The following PAX3 variants were observed in gnomAD, a reference collection of about 807,000 sequenced individuals.
PAX3 encodes paired box protein Pax-3.
PAX3 carries 14 observed loss-of-function variants against 51.6 expected under a neutral mutation model. The ratio of observed to expected loss-of-function variants is 0.27; its 90% CI spans 0.18 to 0.42. PAX3 has a LOEUF of 0.42. Among genes scored for constraint, PAX3 ranks in the 10% least tolerant of loss-of-function variants. The pLI is 1.00. For synonymous variants in PAX3, 280 were observed against 253.4 expected (o/e 1.11, Z -1.00); for missense variants, 540 against 642.8 (o/e 0.84, Z 1.73).
At chr2:222,251,981 T>C (rs540170310) in intron 4 of PAX3, among the ~76,000 whole-genome samples, 150 of 152,232 alleles carry the variant, frequency 9.9e-4, no homozygotes, top group African/African-American at 3.3e-3. Context: ...TACCTCCAAA[T>C]CGAAGATGTA....
At chr2:222,232,362 C>T (rs1476839857) in intron 4 of PAX3, 79 bp from the exon 5 acceptor site, 19 of 1,248,202 alleles carry the variant, frequency 1.5e-5, no homozygotes, top group African/African-American at 5.9e-5. Flanking sequence ...GTTCTCTCTC[C>T]GACTGCAAGA....
At chr2:222,287,208 G>A (rs887106802) in intron 4 of PAX3, among the ~76,000 whole-genome samples, 1 of 152,192 alleles carries the variant, frequency 6.6e-6, no homozygotes, top group East Asian at 1.9e-4. Context: ...TCCCAACAGG[G>A]CAGAGGATGG....
chr2:222,290,668 C>A (rs1162349580), intron 4 of PAX3, among the ~76,000 whole-genome samples: 1 of 152,146 alleles, frequency 6.6e-6, no homozygotes, highest in Non-Finnish European at 1.5e-5. Context: ...GTCTTGCAGT[C>A]GCGTGTCCAT....
chr2:222,252,097 T>C (rs1693456324), intron 4 of PAX3, among the ~76,000 whole-genome samples: 1 of 152,200 alleles, frequency 6.6e-6, no homozygotes, highest in Non-Finnish European at 1.5e-5. Context: ...AAGAGTAACA[T>C]TGACACATGA....
chr2:222,253,211 A>G (rs1226414191), intron 4 of PAX3, among the ~76,000 whole-genome samples: 5 of 152,240 alleles, frequency 3.3e-5, no homozygotes, highest in African/African-American at 1.2e-4. Context: ...TATGGCTCCC[A>G]GATTCCCTGT....
At chr2:222,215,996 C>T (rs1206173216) in intron 7 of PAX3, among the ~76,000 whole-genome samples, 1 of 152,150 alleles carries the variant, frequency 6.6e-6, no homozygotes, top group Non-Finnish European at 1.5e-5. Flanking sequence ...CTGTCTCCAC[C>T]CTCTCACGCA....
rs915724538 is a variant in PAX3 at position 222,298,979 on chromosome 2, C to T, written c.-364G>A. 24 of 414,800 alleles carry T rather than the reference C, an allele frequency of 5.8e-5. No homozygotes were observed. Among genetic ancestry groups the T allele is most frequent in the Non-Finnish European group, 1.0e-4 (23 of 226,522 alleles). The allele number at this position is 414,800 out of a possible 1,614,324, so 25.7% of individuals were successfully genotyped here. A position where few individuals can be genotyped will look rare whatever the true frequency, so the allele number is the denominator to read the frequency against. On this transcript the variant is annotated 5_prime_UTR_variant, in exon 1 of 9. Coordinates refer to ENST00000392070, the MANE Select transcript of PAX3 (RefSeq NM_181458.4). ...GGAGCGCGGCCTGCCTGAGTCTCCT[C>T]CTGTGGTGACACCGAGTGCGGGGAT...
intron 4 of PAX3, among the ~76,000 whole-genome samples, chr2:222,266,305 G>A (rs1694053545): frequency 6.6e-6 from 1 of 152,138 alleles, no homozygotes; most frequent in South Asian, 2.1e-4. Context: ...TCTGGGCCAG[G>A]CCCTACAAAT....
At chr2:222,277,313 C>T (rs148175872) in intron 4 of PAX3, among the ~76,000 whole-genome samples, 8 of 152,296 alleles carry the variant, frequency 5.3e-5, no homozygotes, top group African/African-American at 9.6e-5. Flanking sequence ...CTCCTAGACT[C>T]TCAGTCTTGA....
rs376774471 is a variant in PAX3 at position 222,253,917 on chromosome 2, A to G, written c.587-21634T>C. ...CAATCCTCCTGCCTTGGCCTCCCAA[A>G]GTGGCTGGGAATATAGACATGAGCC... On this transcript the variant is annotated intron_variant, in intron 4 of 8. Coordinates refer to ENST00000392070, the MANE Select transcript of PAX3 (RefSeq NM_181458.4). Among the ~76,000 whole-genome samples the G allele has an allele frequency of 1.2e-3, 188 of 152,252 alleles. 2 individuals carry two copies. The South Asian group carries it at 0.026, about 21-fold the overall frequency.
chr2:222,242,728 A>T (rs1333499048), intron 4 of PAX3: 1 of 152,246 alleles, frequency 6.6e-6, no homozygotes, highest in Non-Finnish European at 1.5e-5. Flanking sequence ...AAAGGTGAGT[A>T]ATACTTTCAG....
chr2:222,217,111 C>T (rs1691992515), intron 7 of PAX3, among the ~76,000 whole-genome samples: 1 of 152,124 alleles, frequency 6.6e-6, no homozygotes, highest in African/African-American at 2.4e-5. Context: ...GGCATAAGAA[C>T]CTAAAAAGCT....
chr2:222,239,039 GAA>G (rs981899920), intron 4 of PAX3, among the ~76,000 whole-genome samples: 2 of 152,244 alleles, frequency 1.3e-5, no homozygotes, highest in Non-Finnish European at 2.9e-5. Context: ...TTACTCGGGT[GAA>G]AGTCAGGAGG....
At chr2:222,211,110 C>T (rs1415236611) in intron 7 of PAX3, among the ~76,000 whole-genome samples, 2 of 152,092 alleles carry the variant, frequency 1.3e-5, no homozygotes, top group Non-Finnish European at 2.9e-5. Flanking sequence ...CAAGCGATCC[C>T]ACCTCAGCCT....
At chr2:222,228,918 G>T (rs946837370) in intron 5 of PAX3, among the ~76,000 whole-genome samples, 4 of 152,052 alleles carry the variant, frequency 2.6e-5, no homozygotes, top group African/African-American at 9.7e-5. Flanking sequence ...TACAGGCTGG[G>T]CAACAAAGTG....
At chr2:222,224,600 T>C (rs2106081004) in intron 5 of PAX3, among the ~76,000 whole-genome samples, 1 of 152,248 alleles carries the variant, frequency 6.6e-6, no homozygotes, top group East Asian at 1.9e-4. Flanking sequence ...ACCCTAGAAA[T>C]GACCTTTACT....
At chr2:222,266,637 G>C (rs1462231708) in intron 4 of PAX3, among the ~76,000 whole-genome samples, 2 of 152,164 alleles carry the variant, frequency 1.3e-5, no homozygotes, top group Non-Finnish European at 2.9e-5. Context: ...CTAAACTTCT[G>C]CTTCCTTAGC....
In PAX3 at chr2:222,220,374, C is replaced by A; in HGVS notation, c.959-20G>T. On this transcript the variant is annotated intron_variant, in intron 6 of 8. Coordinates refer to ENST00000392070, the MANE Select transcript of PAX3 (RefSeq NM_181458.4). Reference sequence around the variant, plus strand: ...ACACAGCTGAAATGAAAAAGATTGTCAACCATCATGTTTTCTTTTAGGCCA... The same window carrying A: ...ACACAGCTGAAATGAAAAAGATTGTAAACCATCATGTTTTCTTTTAGGCCA... 1 of 1,612,010 alleles carries A rather than the reference C, an allele frequency of 6.2e-7. No homozygotes were observed. Among genetic ancestry groups the A allele is most frequent in the South Asian group, 1.1e-5 (1 of 91,004 alleles).
rs1694784042 is a variant in PAX3 at position 222,285,010 on chromosome 2, C to T, written c.586+9157G>A. On this transcript the variant is annotated intron_variant, in intron 4 of 8. Coordinates refer to ENST00000392070, the MANE Select transcript of PAX3 (RefSeq NM_181458.4). ...AAGGCAAGAAAGATCTGAAAAGGTACTTTGGAGTGTGTTTAAATCAAACAA... is the reference window on the plus strand; with the variant it reads ...AAGGCAAGAAAGATCTGAAAAGGTATTTTGGAGTGTGTTTAAATCAAACAA... Among the ~76,000 whole-genome samples the T allele has an allele frequency of 2.0e-5, 3 of 152,274 alleles. No individual in the cohort carries two copies. The South Asian group carries it at 6.2e-4, about 32-fold the overall frequency.
Sources: gnomAD v4.1 joint callset for allele counts (sites outside exome capture counted in the v4.1 genomes callset) on GRCh38, gnomAD v4.1.1 for gene constraint, MANE v1.5 for transcripts, NCBI Gene and HGNC (gene_info 2026-07-23, HGNC 2026-07-21) for gene names.